PIGX: variants seen among roughly 807,000 people sequenced by gnomAD.
The protein encoded by PIGX is GPI alpha-1,4-mannosyltransferase I, stabilizing subunit.
In PIGX, 24 loss-of-function variants were observed where a neutral mutation model predicts 28.7. The ratio of observed to expected loss-of-function variants is 0.84; its 90% CI spans 0.60 to 1.17. The LOEUF (loss-of-function observed/expected upper bound fraction) is 1.17, where lower values mean the gene tolerates loss of function less well. Ranked by LOEUF, PIGX falls within the 50% of genes most tolerant of loss-of-function variation. PIGX has a pLI of 0.00. For synonymous variants in PIGX, 127 were observed against 121.0 expected, an observed-to-expected ratio of 1.05 and a Z score of -0.33; for missense variants, 305 against 317.8, an observed-to-expected ratio of 0.96 and a Z score of 0.31.
chr3:196,722,561 A>G lies in PIGX; in HGVS notation c.318+5A>G. ...CGAGAGAGAAACATAACAGAGGTACAGTTATTAGGGGATTTTTTGGGAGAG... is the reference window on the plus strand; with the variant it reads ...CGAGAGAGAAACATAACAGAGGTACGGTTATTAGGGGATTTTTTGGGAGAG... On this transcript the variant is annotated splice_donor_5th_base_variant and intron_variant, in intron 3 of 5. Coordinates refer to ENST00000392391, the MANE Select transcript of PIGX (RefSeq NM_017861.4). 6.2e-7 allele frequency: 1 copy of G among 1,609,076 alleles called. No homozygotes were observed. Among genetic ancestry groups the G allele is most frequent in the Non-Finnish European group, 8.5e-7 (1 of 1,177,714 alleles).
rs1712358544 is a variant in PIGX at position 196,722,398 on chromosome 3, A to G, written c.177-17A>G. ...AGTTGAATGAAGAGATTTACTTTCA[A>G]TGTACTTGTCTTACAGAGACCTTTT... On this transcript the variant is annotated splice_polypyrimidine_tract_variant and intron_variant, in intron 2 of 5. Transcript: ENST00000392391. The G allele has an allele frequency of 6.3e-7, 1 of 1,585,100 alleles. No homozygotes were observed. The highest frequency in any genetic ancestry group is 8.6e-7 in the Non-Finnish European group (1 of 1,158,888).
chr3:196,732,346 A>G (rs1413151042), intron 5 of PIGX, among the ~76,000 whole-genome samples: 3 of 141,952 alleles, frequency 2.1e-5, no homozygotes, highest in Admixed American at 7.3e-5. Context: ...CAGTGGCACG[A>G]TCTCGGCTCA....
intron 4 of PIGX, among the ~76,000 whole-genome samples, chr3:196,729,320 G>A (rs1315792324): frequency 6.8e-6 from 1 of 146,106 alleles, no homozygotes; most frequent in African/African-American, 2.5e-5. Context: ...GTGACAGAGC[G>A]AGACTGCGTC....
At chr3:196,732,265 TATTTTA>T (rs1560080787) in intron 5 of PIGX, among the ~76,000 whole-genome samples, 1,431 of 66,420 alleles carry the variant, frequency 0.022, 319 homozygotes, top group East Asian at 0.052. Context: ...TATTTTATTT[TATTTTA>T]TTTTTTTTTT....
At chr3:196,715,185 T>A (rs898621312) in intron 1 of PIGX, among the ~76,000 whole-genome samples, 1 of 152,360 alleles carries the variant, frequency 6.6e-6, no homozygotes, top group Non-Finnish European at 1.5e-5. Flanking sequence ...AAAGATCATA[T>A]GCTTCTCCAA....
Position 196,728,065 on chromosome 3 carries a change from G to A in PIGX, c.461G>A (p.Arg154Gln), listed in dbSNP as rs150787833. The A allele has an allele frequency of 2.5e-4, 397 of 1,613,972 alleles. No homozygotes were observed. In the African/African-American group the frequency reaches 3.5e-3, roughly 14 times the overall value. The change falls in exon 4 of 6, where the codon CGG (arginine) becomes CAG (glutamine). Residue 154 changes from arginine to glutamine, a missense_variant. Physicochemically the swap from Arg to Gln is conservative, Grantham distance 43. Coordinates refer to ENST00000392391, the MANE Select transcript of PIGX (RefSeq NM_017861.4). ...TTGCCTGTGCACTGCCGCTATCATC[G>A]GCCGCACAGTGAAGATGGAGAAGCC...
intron 3 of PIGX, among the ~76,000 whole-genome samples, chr3:196,727,201 G>A (rs1712556490): frequency 6.6e-6 from 1 of 152,136 alleles, no homozygotes; most frequent in South Asian, 2.1e-4. Context: ...ATGCCTGTGT[G>A]TGTATGTGGA....
chr3:196,712,682 G>C (rs1379687707), intron 1 of PIGX, 38 bp downstream of exon 1: 1 of 1,174,926 alleles, frequency 8.5e-7, no homozygotes, highest in Non-Finnish European at 1.1e-6. Flanking sequence ...GAGCGTGGGA[G>C]CGGTCCCGGC....
At chr3:196,730,284 T>C (rs1712695572) in intron 4 of PIGX, among the ~76,000 whole-genome samples, 1 of 152,194 alleles carries the variant, frequency 6.6e-6, no homozygotes, top group South Asian at 2.1e-4. Context: ...GAGAACTGGA[T>C]TCTGATATTC....
chr3:196,726,689 C>T, intron 3 of PIGX: 1 of 456,484 alleles, frequency 2.2e-6, no homozygotes, highest in Non-Finnish European at 4.4e-6. Flanking sequence ...TGGTTGCCTT[C>T]TGATAATTGA....
In PIGX at chr3:196,733,697, G is replaced by A. The variant is rs917104219; in HGVS notation, c.634-62G>A. The A allele has an allele frequency of 6.3e-6, 8 of 1,271,992 alleles. No individual in the cohort carries two copies. In the African/African-American group the frequency reaches 1.0e-4, roughly 16 times the overall value. The allele number at this position is 1,271,992 out of a possible 1,614,324, so 78.8% of individuals were successfully genotyped here. A position where few individuals can be genotyped will look rare whatever the true frequency, so the allele number is the denominator to read the frequency against. ...CGAAGTGCTGGGATTACAGGCATGA[G>A]CTACCACACCGGGCCCATGACATGC... On this transcript the variant is annotated intron_variant, in intron 5 of 5. Transcript: ENST00000392391. This position sits in a 1 kb window ranked among gnomAD's most constrained non-coding sequence, Gnocchi z 4.3.
intron 2 of PIGX, among the ~76,000 whole-genome samples, chr3:196,719,053 C>T (rs1712208392): frequency 6.6e-6 from 1 of 152,028 alleles, no homozygotes; most frequent in Non-Finnish European, 1.5e-5. Context: ...TCTTTATCTT[C>T]AGTGTGTTTC....
At chr3:196,713,887 C>T (rs1250013115) in intron 1 of PIGX, among the ~76,000 whole-genome samples, 3 of 150,752 alleles carry the variant, frequency 2.0e-5, no homozygotes, top group Non-Finnish European at 4.4e-5. Flanking sequence ...GCCAGTTCAC[C>T]ACTACCAAAG....
intron 3 of PIGX, among the ~76,000 whole-genome samples, chr3:196,727,469 A>C (rs992558060): frequency 6.6e-6 from 1 of 152,118 alleles, no homozygotes; most frequent in Non-Finnish European, 1.5e-5. Flanking sequence ...CAGTGCTCTT[A>C]CTCACTGCCA....
At chr3:196,727,077 G>A (rs895614200) in intron 3 of PIGX, among the ~76,000 whole-genome samples, 1 of 152,282 alleles carries the variant, frequency 6.6e-6, no homozygotes, top group Non-Finnish European at 1.5e-5. Context: ...GGAAAGTTAG[G>A]ATGCTTGATG....
intron 1 of PIGX, among the ~76,000 whole-genome samples, chr3:196,716,270 TG>T (rs1712094358): frequency 7.9e-6 from 1 of 125,892 alleles, no homozygotes; most frequent in Non-Finnish European, 1.7e-5. Context: ...CTTTGCTTTT[TG>T]TTTTTTTTTT....
chr3:196,732,140 A>T (rs1156471365), intron 5 of PIGX, among the ~76,000 whole-genome samples: 2 of 145,854 alleles, frequency 1.4e-5, no homozygotes, highest in African/African-American at 5.0e-5. Flanking sequence ...TTGCCTTTAA[A>T]ATTCTGTAAC....
chr3:196,725,342 G>A (rs1453660555), intron 3 of PIGX, among the ~76,000 whole-genome samples: 1 of 152,138 alleles, frequency 6.6e-6, no homozygotes, highest in Non-Finnish European at 1.5e-5. Flanking sequence ...ATGAAATAAT[G>A]AAAAAAGTCA....
intron 3 of PIGX, among the ~76,000 whole-genome samples, chr3:196,725,977 G>A (rs556168190): frequency 2.9e-4 from 44 of 152,254 alleles, no homozygotes; most frequent in Admixed American, 5.9e-4. Context: ...GACATATCCA[G>A]CAAGATCAAA....
Sources: gnomAD v4.1 joint callset for allele counts (sites outside exome capture counted in the v4.1 genomes callset) on GRCh38, gnomAD v4.1.1 for gene constraint, Gnocchi (gnomAD v3.1) non-coding constraint, MANE v1.5 for transcripts, NCBI Gene and HGNC (gene_info 2026-07-23, HGNC 2026-07-21) for gene names.